Variants in ADAMTS17 observed in about 807,000 individuals in gnomAD.
The protein encoded by ADAMTS17 is ADAM metallopeptidase with thrombospondin type 1 motif 17, also known as A disintegrin and metalloproteinase with thrombospondin motifs 17.
ADAMTS17 carries 113 observed loss-of-function variants against 141.5 expected under a neutral mutation model. The observed-to-expected ratio is 0.80, with a 90% CI of 0.69 to 0.93. The LOEUF is 0.93. Ranked by LOEUF, ADAMTS17 falls within the 40% of genes least tolerant of loss-of-function variation. The pLI, the probability that ADAMTS17 is intolerant of heterozygous loss-of-function variation, is 0.00. For synonymous variants in ADAMTS17, 768 were observed against 630.6 expected (o/e 1.22, Z -3.27); for missense variants, 1,659 against 1,517.9 (o/e 1.09, Z -1.54).
At chr15:100,339,110 A>T in intron 2 of ADAMTS17, 3 of 985,480 alleles carry the variant, frequency 3.0e-6, no homozygotes, top group Non-Finnish European at 3.6e-6. Context: ...TTAGAGGTAC[A>T]ACCGCCACTG....
At chr15:99,999,262 G>C (rs1003739779) in intron 18 of ADAMTS17, among the ~76,000 whole-genome samples, 13 of 152,164 alleles carry the variant, frequency 8.5e-5, no homozygotes, top group African/African-American at 3.1e-4. Context: ...TATCACCATA[G>C]CATCTATAAC....
chr15:100,027,528 G>C (rs528022709), intron 18 of ADAMTS17, among the ~76,000 whole-genome samples: 7 of 152,234 alleles, frequency 4.6e-5, no homozygotes, highest in Admixed American at 2.0e-4. Context: ...TACTTGTCTT[G>C]GTGAATACAG....
chr15:100,180,091 A>T (rs912376330), intron 8 of ADAMTS17, among the ~76,000 whole-genome samples: 3 of 152,176 alleles, frequency 2.0e-5, no homozygotes, highest in Non-Finnish European at 4.4e-5. Flanking sequence ...TCACTCAAGA[A>T]ATCTTTGCCC....
intron 7 of ADAMTS17, among the ~76,000 whole-genome samples, chr15:100,211,231 GGT>G (rs1028995092): frequency 1.7e-4 from 25 of 148,966 alleles, no homozygotes; most frequent in Non-Finnish European, 3.3e-4. Context: ...GGGAGGTGGA[GGT>G]TGCAGTGAGT....
At chr15:100,297,696 G>A (rs1567505242) in intron 3 of ADAMTS17, among the ~76,000 whole-genome samples, 1 of 152,144 alleles carries the variant, frequency 6.6e-6, no homozygotes. Context: ...GCATCCAGGT[G>A]GAGATGTCAG....
chr15:100,227,334 C>CACCATGCAGAAA (rs6145709), intron 7 of ADAMTS17, among the ~76,000 whole-genome samples: 1 of 152,060 alleles, frequency 6.6e-6, no homozygotes, highest in South Asian at 2.1e-4. Context: ...CTTTCCCACC[C>CACCATGCAGAAA]ACATCAGAAA....
intron 3 of ADAMTS17, among the ~76,000 whole-genome samples, chr15:100,285,608 G>C (rs905841141): frequency 1.3e-5 from 2 of 152,204 alleles, no homozygotes; most frequent in Non-Finnish European, 2.9e-5. Context: ...TTCCAAGGAA[G>C]ACCTGGGGAA....
At chr15:100,241,496 G>A (rs1022973799) in intron 7 of ADAMTS17, among the ~76,000 whole-genome samples, 6 of 152,208 alleles carry the variant, frequency 3.9e-5, no homozygotes, top group African/African-American at 9.7e-5. Context: ...TCAAATCTCA[G>A]TGTCTCAACA....
At position 100,273,362 on chromosome 15, in the gene ADAMTS17, T is replaced by G. The variant is rs532747701; in HGVS notation, c.789+7867A>C. Among the ~76,000 whole-genome samples the G allele has an allele frequency of 5.9e-5, 9 of 152,312 alleles. No individual in the cohort carries two copies. The East Asian group carries it at 7.7e-4, about 13-fold the overall frequency. On this transcript the variant is annotated intron_variant, in intron 4 of 21. Transcript: ENST00000268070. ...TCTTTATTAGGAGGTTTTTGATTACTGATTCAGTTACCTTACTAATTATGA... is the reference window on the plus strand; with the variant it reads ...TCTTTATTAGGAGGTTTTTGATTACGGATTCAGTTACCTTACTAATTATGA...
At chr15:100,241,378 G>A (rs555471116) in intron 7 of ADAMTS17, among the ~76,000 whole-genome samples, 1 of 152,214 alleles carries the variant, frequency 6.6e-6, no homozygotes. Flanking sequence ...CCACAGGGAT[G>A]GAAGTCTTCA....
chr15:100,052,892 G>A (rs2032257821), intron 16 of ADAMTS17, among the ~76,000 whole-genome samples: 3 of 152,182 alleles, frequency 2.0e-5, no homozygotes. Flanking sequence ...AAATTTTAAC[G>A]GGGTTAACAC....
intron 4 of ADAMTS17, among the ~76,000 whole-genome samples, chr15:100,264,407 A>G (rs2043637787): frequency 6.6e-6 from 1 of 152,344 alleles, no homozygotes; most frequent in Admixed American, 6.5e-5. Context: ...AAGAATGAAA[A>G]CTTGAAGTTA....
Position 99,989,924 on chromosome 15 carries a change from C to A in ADAMTS17, c.2949+3124G>T, listed in dbSNP as rs556072947. Among the ~76,000 whole-genome samples the A allele has an allele frequency of 6.6e-5, 10 of 152,290 alleles. No homozygotes were observed. The East Asian group carries it at 1.4e-3, about 21-fold the overall frequency. On this transcript the variant is annotated intron_variant, in intron 20 of 21. Coordinates refer to ENST00000268070, the MANE Select transcript of ADAMTS17 (RefSeq NM_139057.4). Reference sequence around the variant, plus strand: ...CCTCTAAGCATCTCTGAGAAACAGGCAGGGTCAGTGTTTATGATTCCCATT... The same window carrying A: ...CCTCTAAGCATCTCTGAGAAACAGGAAGGGTCAGTGTTTATGATTCCCATT...
intron 18 of ADAMTS17, among the ~76,000 whole-genome samples, chr15:100,018,355 C>A (rs1402148657): frequency 6.6e-6 from 1 of 152,196 alleles, no homozygotes. Context: ...ATATAAATAT[C>A]TCCCGATATG....
At chr15:100,119,045 C>CAA (rs749294088) in intron 12 of ADAMTS17, among the ~76,000 whole-genome samples, 2 of 149,004 alleles carry the variant, frequency 1.3e-5, no homozygotes, top group African/African-American at 4.9e-5. Flanking sequence ...TCTGGAGATA[C>CAA]ACACACACAC....
rs1320363058 is a variant in ADAMTS17, at chr15:100,221,669, G to A, written c.1076-22246C>T. On this transcript the variant is annotated intron_variant, in intron 7 of 21. Transcript: ENST00000268070. Reference sequence around the variant, plus strand: ...CCTTGGCACGTGTGCAAACTCCCACGTCATTCTCATGGGTCTCAAGTTCTT... The same window carrying A: ...CCTTGGCACGTGTGCAAACTCCCACATCATTCTCATGGGTCTCAAGTTCTT... Among the ~76,000 whole-genome samples, 7 of 152,130 alleles carry A rather than the reference G, an allele frequency of 4.6e-5. 1 individual carries two copies. In the South Asian group the frequency reaches 6.2e-4, roughly 14 times the overall value.
intron 12 of ADAMTS17, among the ~76,000 whole-genome samples, chr15:100,118,886 T>C (rs189387739): frequency 3.9e-5 from 6 of 152,230 alleles, no homozygotes; most frequent in Admixed American, 2.6e-4. Flanking sequence ...CAAAACTCTA[T>C]GCAGAAGTCC....
chr15:100,171,913 C>A (rs1469517941), intron 8 of ADAMTS17, among the ~76,000 whole-genome samples: 1 of 152,194 alleles, frequency 6.6e-6, no homozygotes, highest in Non-Finnish European at 1.5e-5. Flanking sequence ...ACTTAAGTGG[C>A]TGGGAGTGCC....
At chr15:100,317,595 G>GC (rs1382865933) in intron 3 of ADAMTS17, among the ~76,000 whole-genome samples, 1 of 152,148 alleles carries the variant, frequency 6.6e-6, no homozygotes, top group Non-Finnish European at 1.5e-5. Context: ...CGCAGGGCAC[G>GC]CAAGAAACAC....
Sources: allele counts gnomAD v4.1 joint callset (sites outside exome capture counted in the v4.1 genomes callset), GRCh38; gene constraint gnomAD v4.1.1; transcripts MANE v1.5; gene names NCBI Gene and HGNC (gene_info 2026-07-23, HGNC 2026-07-21).